DMD: variants seen among roughly 807,000 people sequenced by gnomAD.
The protein encoded by DMD is mutant dystrophin.
Under a neutral mutation model 330.1 loss-of-function variants are expected in DMD, and 63 were observed. The observed-to-expected ratio is 0.19, with a 90% CI of 0.16 to 0.24. The LOEUF is 0.24. Among genes scored for constraint, DMD ranks in the 10% least tolerant of loss-of-function variants. The pLI is 1.00. For missense variants in DMD, 3,344 were observed against 2,684.1 expected (o/e 1.25, Z -5.43); for synonymous variants, 1,223 against 959.8 (o/e 1.27, Z -5.07).
chrX:32,407,411 C>G (rs1037161591), intron 30 of DMD, among the ~76,000 whole-genome samples: 1 of 111,374 alleles, frequency 9.0e-6, no homozygotes, highest in Non-Finnish European at 1.9e-5. Flanking sequence ...AAATGCAAAT[C>G]AAAACAACGA....
intron 2 of DMD, among the ~76,000 whole-genome samples, chrX:32,887,674 G>C (rs2149241497): frequency 1.0e-5 from 1 of 99,296 alleles, no homozygotes; most frequent in East Asian, 3.4e-4. Flanking sequence ...CTGGAGCCCG[G>C]AAGGTGGAGG....
At chrX:32,822,368 G>GTA (rs764347985) in intron 5 of DMD, among the ~76,000 whole-genome samples, 5,062 of 109,563 alleles carry the variant, frequency 0.046, 284 homozygotes, top group African/African-American at 0.15. Context: ...GTTCATGTTG[G>GTA]TATATATATA....
chrX:31,375,296 T>C (rs945360551), intron 60 of DMD, among the ~76,000 whole-genome samples: 5 of 111,978 alleles, frequency 4.5e-5, no homozygotes, highest in African/African-American at 1.6e-4. Context: ...TAATTGCAAC[T>C]GCATGGTGAA....
At chrX:31,161,761 G>T (rs761374678) in intron 74 of DMD, among the ~76,000 whole-genome samples, 1 of 111,160 alleles carries the variant, frequency 9.0e-6, no homozygotes, top group African/African-American at 3.3e-5. Flanking sequence ...CTTTCTGCCA[G>T]GTCAGTTATT....
chrX:31,525,926 GAC>G (rs995195041), intron 55 of DMD, among the ~76,000 whole-genome samples: 5 of 112,190 alleles, frequency 4.5e-5, no homozygotes, highest in African/African-American at 1.6e-4. Context: ...GGATTGAAAA[GAC>G]AACACCATTC....
chrX:31,632,299 A>T (rs2079175446), intron 54 of DMD, among the ~76,000 whole-genome samples: 1 of 111,951 alleles, frequency 8.9e-6, no homozygotes, highest in South Asian at 3.7e-4. Context: ...CCATTCTACT[A>T]TTAGATATAT....
intron 67 of DMD, among the ~76,000 whole-genome samples, chrX:31,192,694 A>G (rs1357603501): frequency 8.9e-6 from 1 of 112,133 alleles, no homozygotes; most frequent in Non-Finnish European, 1.9e-5. Flanking sequence ...TGTTACAGAT[A>G]AGAAAAGGCC....
intron 55 of DMD, among the ~76,000 whole-genome samples, chrX:31,509,438 T>G (rs16989687): frequency 0.054 from 6,013 of 111,870 alleles, 205 homozygotes; most frequent in African/African-American, 0.12. Context: ...TACAGTACTT[T>G]CCTTTTGTGT....
chrX:31,840,274 C>G (rs1029718317), intron 48 of DMD, among the ~76,000 whole-genome samples: 1 of 111,393 alleles, frequency 9.0e-6, no homozygotes, highest in Non-Finnish European at 1.9e-5. Context: ...TCAAAAGATA[C>G]CTGCTGCATC....
chrX:31,359,833 T>C (rs2058845212), intron 60 of DMD, among the ~76,000 whole-genome samples: 1 of 111,915 alleles, frequency 8.9e-6, no homozygotes, highest in East Asian at 2.8e-4. Flanking sequence ...GAATGAGATG[T>C]TGTAATGTGC....
intron 44 of DMD, among the ~76,000 whole-genome samples, chrX:32,167,737 G>A (rs1022538036): frequency 1.8e-5 from 2 of 111,835 alleles, no homozygotes; most frequent in African/African-American, 6.5e-5. Context: ...AGGCACGAAG[G>A]CCTTTAATGT....
At chrX:32,812,602 T>TAG (rs374689740) in intron 6 of DMD, among the ~76,000 whole-genome samples, 197 of 112,559 alleles carry the variant, frequency 1.8e-3, no homozygotes, top group African/African-American at 6.0e-3. Flanking sequence ...CACTGCGCTC[T>TAG]AGCCTGTGCA....
At chrX:33,107,596 C>T (rs950266761) in intron 1 of DMD, among the ~76,000 whole-genome samples, 3 of 110,413 alleles carry the variant, frequency 2.7e-5, no homozygotes, top group African/African-American at 9.9e-5. Flanking sequence ...ATTTAAAACC[C>T]CATATTGACT....
chrX:33,047,061 C>T (rs1163027112), intron 1 of DMD, among the ~76,000 whole-genome samples: 1 of 111,847 alleles, frequency 8.9e-6, no homozygotes, highest in Non-Finnish European at 1.9e-5. Flanking sequence ...AAGAGAGGTA[C>T]TTCTCTTGAC....
At chrX:31,187,835 A>G (rs752406729) in intron 67 of DMD, among the ~76,000 whole-genome samples, 50 of 107,114 alleles carry the variant, frequency 4.7e-4, no homozygotes, top group African/African-American at 1.6e-3. Context: ...ACAGTTTTCA[A>G]TTATGTGAAT....
intron 1 of DMD, among the ~76,000 whole-genome samples, chrX:33,220,811 G>A (rs1400468211): frequency 2.7e-5 from 3 of 111,243 alleles, no homozygotes; most frequent in Non-Finnish European, 5.7e-5. Context: ...ACTCATAGAT[G>A]GGTCTAACAA....
At chrX:33,248,355 T>C (rs910393003) in intron 1 of DMD, among the ~76,000 whole-genome samples, 1 of 112,527 alleles carries the variant, frequency 8.9e-6, no homozygotes, top group African/African-American at 3.2e-5. Flanking sequence ...GAATAAATAA[T>C]ATTTTCTAAG....
chrX:31,168,101 T>C (rs1040666389), intron 74 of DMD, among the ~76,000 whole-genome samples: 6 of 111,434 alleles, frequency 5.4e-5, no homozygotes, highest in African/African-American at 9.8e-5. Flanking sequence ...GATACGGCAG[T>C]GGTGGGTTAG....
chrX:33,282,523 TGTGAGTGAGA>T (rs1196659847), intron 1 of DMD, among the ~76,000 whole-genome samples: 4 of 111,471 alleles, frequency 3.6e-5, no homozygotes, highest in East Asian at 5.7e-4. Flanking sequence ...TATTTCCTGT[TGTGAGTGAGA>T]GTGAGTGAGA....
Sources: allele counts gnomAD v4.1 joint callset (sites outside exome capture counted in the v4.1 genomes callset), GRCh38; gene constraint gnomAD v4.1.1; transcripts MANE v1.5; gene names NCBI Gene and HGNC (gene_info 2026-07-23, HGNC 2026-07-21).